CACHD1: variants seen among roughly 807,000 people sequenced by gnomAD.
CACHD1 encodes the protein VWFA and cache domain-containing protein 1.
A neutral mutation model predicts 138.7 loss-of-function variants in CACHD1; 71 were observed. That is an observed-to-expected ratio of 0.51 (90% CI 0.42 to 0.62). CACHD1 has a LOEUF of 0.62. Among genes scored for constraint, CACHD1 ranks in the 20% least tolerant of loss-of-function variants. CACHD1 has a pLI of 0.00. For missense variants in CACHD1, 1,389 were observed against 1,625.3 expected (o/e 0.85, Z 2.50); for synonymous variants, 578 against 591.5 (o/e 0.98, Z 0.33).
intron 3 of CACHD1, among the ~76,000 whole-genome samples, chr1:64,588,576 C>T (rs1357782267): frequency 6.6e-6 from 1 of 152,112 alleles, no homozygotes; most frequent in Non-Finnish European, 1.5e-5. Context: ...AGCGGTTTCA[C>T]TGTGTTGGCC....
intron 4 of CACHD1, 116 bp downstream of exon 4, chr1:64,603,028 G>T (rs911911887): frequency 9.5e-6 from 4 of 420,362 alleles, no homozygotes; most frequent in Non-Finnish European, 1.7e-5. Context: ...ATATACTTAA[G>T]ATTGGATATT....
intron 23 of CACHD1, 54 bp from the exon 24 acceptor site, chr1:64,679,541 C>G: frequency 6.3e-7 from 1 of 1,595,686 alleles, no homozygotes; most frequent in Non-Finnish European, 8.6e-7. Context: ...TCCTTACTTT[C>G]TTCCCCACTT....
intron 1 of CACHD1, among the ~76,000 whole-genome samples, chr1:64,471,779 G>C (rs1394281843): frequency 6.6e-6 from 1 of 151,960 alleles, no homozygotes; most frequent in African/African-American, 2.4e-5. Context: ...GTCCTCCTCG[G>C]GAGAGGAAGG....
chr1:64,634,811 G>A (rs1170063653), intron 7 of CACHD1, among the ~76,000 whole-genome samples: 1 of 151,942 alleles, frequency 6.6e-6, no homozygotes, highest in African/African-American at 2.4e-5. Flanking sequence ...TGGCCAATAT[G>A]GTGAAACCCC....
Position 64,557,937 on chromosome 1 carries a change from T to A in CACHD1, c.261+7281T>A, listed in dbSNP as rs1646810946. ...CCTCAGCCTCTCGAGCAGCTGGGAT[T>A]ACAGGCATGTGCCTCCACGCCCAGC... On this transcript the variant is annotated intron_variant, in intron 2 of 26. Transcript: ENST00000651257. 3.9e-5 allele frequency among the ~76,000 whole-genome samples: 6 copies of A among 152,254 alleles called. No individual in the cohort carries two copies. The South Asian group carries it at 1.2e-3, about 31-fold the overall frequency.
At chr1:64,511,379 C>T (rs1210537139) in intron 1 of CACHD1, among the ~76,000 whole-genome samples, 2 of 152,116 alleles carry the variant, frequency 1.3e-5, no homozygotes, top group Non-Finnish European at 2.9e-5. Flanking sequence ...TCCATTATAG[C>T]ATGCTAGGAT....
Position 64,663,797 on chromosome 1 carries a change from T to C in CACHD1, c.2054T>C (p.Leu685Pro). ...ATGGTAGAGCACTACACCGCCTATC[T>C]CAGCGACAACACCCGCCTCATTGCT... Reference protein sequence around the residue: ...KRMVEHYTAYLSDNTRLIANP... With the variant: ...KRMVEHYTAYPSDNTRLIANP... Residue 685 changes from leucine (L) to proline (P), a missense_variant, in exon 14 of 27, where the codon CTC becomes CCC. Leu to Pro is a moderately conservative substitution (Grantham distance 98). Coordinates refer to ENST00000651257, the MANE Select transcript of CACHD1 (RefSeq NM_020925.4). 6.8e-6 allele frequency: 11 copies of C among 1,614,060 alleles called. No homozygotes were observed. Among genetic ancestry groups the C allele is most frequent in the Non-Finnish European group, 9.3e-6 (11 of 1,180,006 alleles).
Position 64,681,547 on chromosome 1 carries a change from T to TTTTTTTTTTG in CACHD1, c.3484+221_3484+222insGTTTTTTTTT, listed in dbSNP as rs59944077. On this transcript the variant is annotated intron_variant, in intron 25 of 26. Transcript: ENST00000651257. ...TCTCAAAAGATTTTATTGTGTTTTT[T>TTTTTTTTTTG]TTTTTTTTTTTTTTTTTGCATTAAG... 2.8e-3 allele frequency among the ~76,000 whole-genome samples: 321 copies of TTTTTTTTTTG among 114,500 alleles called. 1 individual carries two copies. Among genetic ancestry groups the TTTTTTTTTTG allele is most frequent in the African/African-American group, 8.3e-3 (299 of 36,136 alleles). 75.1% of individuals were successfully genotyped at this position (114,500 alleles called of 152,430 possible).
intron 1 of CACHD1, among the ~76,000 whole-genome samples, chr1:64,486,086 T>C (rs149470450): frequency 1.3e-5 from 2 of 152,164 alleles, no homozygotes; most frequent in Non-Finnish European, 2.9e-5. Context: ...ATCTCATTGT[T>C]GTTTTAGTGA....
At chr1:64,641,620 G>T (rs1648716875) in intron 7 of CACHD1, among the ~76,000 whole-genome samples, 200 bp from the exon 8 acceptor site, 1 of 152,092 alleles carries the variant, frequency 6.6e-6, no homozygotes, top group Non-Finnish European at 1.5e-5. Context: ...CATAAATGTG[G>T]CCTCATTGTC....
rs752822263 is a variant in CACHD1 at position 64,691,388 on chromosome 1, G to A, written c.3652G>A (p.Ala1218Thr). 1 of 1,614,128 alleles carries A rather than the reference G, an allele frequency of 6.2e-7. No individual in the cohort carries two copies. Among genetic ancestry groups the A allele is most frequent in the South Asian group, 1.1e-5 (1 of 91,078 alleles). Residue 1218 changes from alanine to threonine, a missense_variant, in exon 27 of 27, where the codon GCC becomes ACC. Coordinates refer to ENST00000651257, the MANE Select transcript of CACHD1 (RefSeq NM_020925.4). ...NPPCNNDPLS[A>T]GVDVGNHDED... ...TCCATGCAACAATGACCCCTTGTCA[G>A]CCGGGGTCGATGTGGGAAACCATGA...
rs556028503 is a variant in CACHD1 at position 64,670,018 on chromosome 1, C to T, written c.2388-1546C>T. Among the ~76,000 whole-genome samples the T allele has an allele frequency of 2.0e-5, 3 of 152,246 alleles. No individual in the cohort carries two copies. The South Asian group carries it at 6.2e-4, about 32-fold the overall frequency. ...TATTTATAAAATGGGAACTATGATT[C>T]CTTTATGGCTTTTTCACAGATAGTT... On this transcript the variant is annotated intron_variant, in intron 16 of 26. Coordinates refer to ENST00000651257, the MANE Select transcript of CACHD1 (RefSeq NM_020925.4).
chr1:64,484,467 T>C (rs115705348), intron 1 of CACHD1, among the ~76,000 whole-genome samples: 3 of 152,170 alleles, frequency 2.0e-5, no homozygotes, highest in Non-Finnish European at 4.4e-5. Flanking sequence ...TGGGTTCTTA[T>C]TCCTCTTCAA....
At chr1:64,557,242 AAC>A (rs1380301770) in intron 2 of CACHD1, among the ~76,000 whole-genome samples, 1 of 152,200 alleles carries the variant, frequency 6.6e-6, no homozygotes, top group African/African-American at 2.4e-5. Flanking sequence ...TGGTCTGCAA[AAC>A]ACAAAGAAGA....
chr1:64,470,823 G>T lies in CACHD1; in HGVS notation c.79G>T (p.Ala27Ser). The T allele has an allele frequency of 6.7e-7, 1 of 1,496,748 alleles. No individual in the cohort carries two copies. The highest frequency in any genetic ancestry group is 1.8e-5 in the Admixed American group (1 of 54,210). 92.7% of individuals were successfully genotyped at this position (1,496,748 alleles called of 1,614,324 possible). The change falls in exon 1 of 27, where the codon GCG becomes TCG. Residue 27 changes from alanine to serine, a missense_variant. By Grantham distance (99) the Ala-to-Ser change is moderately conservative. Around this residue, in one of 5 missense-constraint regions of CACHD1, gnomAD observed 1,000 missense variants for 1,114.7 expected, o/e 0.90. Transcript: ENST00000651257. The surrounding 1 kb of genome is among the most constrained non-coding windows in gnomAD (Gnocchi z 5.2). The stretch of plus-strand genomic sequence containing the variant: ...GCCCCTCTGGCTGCTCTGCCTGGTC[G>T]CGTGCTGGCTCCTGGGCGCCGGGGC... ...RPPLWLLCLVACWLLGAGAEA... is the reference protein window; with the variant it reads ...RPPLWLLCLVSCWLLGAGAEA...
intron 2 of CACHD1, among the ~76,000 whole-genome samples, chr1:64,562,410 T>C (rs1299827286): frequency 1.1e-3 from 8 of 7,092 alleles, no homozygotes; most frequent in African/African-American, 1.3e-3. Flanking sequence ...CAGAATTTCC[T>C]TTTTTTTTTT....
In CACHD1 at chr1:64,675,992, AT is replaced by A. The variant is rs1398462679; in HGVS notation, c.2975+11del. On this transcript the variant is annotated intron_variant, in intron 21 of 26. Coordinates refer to ENST00000651257, the MANE Select transcript of CACHD1 (RefSeq NM_020925.4). ...ACCAATGCAGAGAACCGGTAAAATA[AT>A]TAATAATAATAATAATAATAATAAT... The A allele has an allele frequency of 7.6e-6, 5 of 655,982 alleles. No homozygotes were observed. The highest frequency in any genetic ancestry group is 1.1e-5 in the Non-Finnish European group (5 of 472,530). 40.6% of individuals were successfully genotyped at this position (655,982 alleles called of 1,614,324 possible).
intron 4 of CACHD1, among the ~76,000 whole-genome samples, chr1:64,626,708 T>C (rs1325385191): frequency 1.3e-5 from 2 of 152,166 alleles, no homozygotes; most frequent in Non-Finnish European, 2.9e-5. Flanking sequence ...AAGTCCACCA[T>C]ACTTTGTAGA....
At chr1:64,650,627 G>T (rs1443034666) in intron 9 of CACHD1, among the ~76,000 whole-genome samples, 1 of 152,028 alleles carries the variant, frequency 6.6e-6, no homozygotes, top group African/African-American at 2.4e-5. Context: ...CATTTAGTTG[G>T]CCTATGCAAC....
Sources: gnomAD v4.1 joint callset for allele counts (sites outside exome capture counted in the v4.1 genomes callset) on GRCh38, gnomAD v4.1.1 for gene constraint, gnomAD v4.1.1 regional missense constraint, Gnocchi (gnomAD v3.1) non-coding constraint, MANE v1.5 for transcripts, NCBI Gene and HGNC (gene_info 2026-07-23, HGNC 2026-07-21) for gene names.